SMG6: variants seen among roughly 807,000 people sequenced by gnomAD.
SMG6 encodes the protein SMG6 nonsense mediated mRNA decay factor.
Under a neutral mutation model 142.2 loss-of-function variants are expected in SMG6, and 66 were observed. That is an observed-to-expected ratio of 0.46 (90% CI 0.38 to 0.57). The LOEUF (loss-of-function observed/expected upper bound fraction) is 0.57, where lower values mean the gene tolerates loss of function less well. SMG6 is among the 20% of genes least tolerant of loss of function. The pLI, the probability that SMG6 is intolerant of heterozygous loss-of-function variation, is 0.00. For missense variants in SMG6, 1,793 were observed against 1,832.0 expected (o/e 0.98, Z 0.39); for synonymous variants, 779 against 702.4 (o/e 1.11, Z -1.72).
chr17:2,260,856 T>C (rs1331364735), intron 8 of SMG6, among the ~76,000 whole-genome samples: 1 of 151,336 alleles, frequency 6.6e-6, no homozygotes, highest in Non-Finnish European at 1.5e-5. Flanking sequence ...ATTAGCTGGG[T>C]GTGATGGCGG....
chr17:2,211,804 TTCACTGAC>T (rs1235625216), intron 10 of SMG6, among the ~76,000 whole-genome samples: 1 of 152,192 alleles, frequency 6.6e-6, no homozygotes, highest in Non-Finnish European at 1.5e-5. Context: ...TGCCATATTC[TTCACTGAC>T]TCACTGACCT....
chr17:2,066,029 G>A (rs1332290501), intron 16 of SMG6: 3 of 302,910 alleles, frequency 9.9e-6, no homozygotes, highest in African/African-American at 2.1e-5. Context: ...GGAGAGTCCA[G>A]GGTATGCAGC....
In SMG6 at chr17:2,081,933, G is replaced by A. The variant is rs368412651; in HGVS notation, c.3558C>T (p.Asp1186=). 1.4e-5 allele frequency: 22 copies of A among 1,614,026 alleles called. No individual in the cohort carries two copies. The African/African-American group carries it at 2.9e-4, about 22-fold the overall frequency. ...CTTCAGCCTCTGAATCTTCCTCAAA[G>A]TCTTCAATCACCACATCCTCCTCCT... ...EDEEEDVVIE[D]FEEDSEAEGS... The change falls in exon 15 of 19, where the codon GAC becomes GAT. Residue 1186 remains aspartate, a synonymous_variant. Coordinates refer to ENST00000263073, the MANE Select transcript of SMG6 (RefSeq NM_017575.5).
At chr17:2,191,005 C>G (rs1417134390) in intron 10 of SMG6, among the ~76,000 whole-genome samples, 1 of 152,206 alleles carries the variant, frequency 6.6e-6, no homozygotes, top group African/African-American at 2.4e-5. Flanking sequence ...GCCTGTCCTT[C>G]TCCATGGCTC....
intron 10 of SMG6, among the ~76,000 whole-genome samples, chr17:2,235,531 G>A (rs899300640): frequency 3.3e-5 from 5 of 152,140 alleles, no homozygotes; most frequent in African/African-American, 9.7e-5. Context: ...AAGAGACCCA[G>A]CGCCACTCTG....
chr17:2,142,378 C>T (rs1158439759), intron 13 of SMG6, among the ~76,000 whole-genome samples: 1 of 152,178 alleles, frequency 6.6e-6, no homozygotes, highest in Non-Finnish European at 1.5e-5. Flanking sequence ...GGTGTGGTGA[C>T]TCATGCCTGT....
At chr17:2,220,048 A>G (rs1045264058) in intron 10 of SMG6, among the ~76,000 whole-genome samples, 3 of 152,048 alleles carry the variant, frequency 2.0e-5, no homozygotes, top group Non-Finnish European at 4.4e-5. Flanking sequence ...AATTTTCCCA[A>G]GTAGCTGGGA....
intron 6 of SMG6, among the ~76,000 whole-genome samples, chr17:2,285,169 A>G (rs1272734560): frequency 1.3e-5 from 2 of 152,298 alleles, no homozygotes; most frequent in East Asian, 3.9e-4. Flanking sequence ...TTTTCAGGGA[A>G]GAAAGCAAGT....
intron 10 of SMG6, among the ~76,000 whole-genome samples, chr17:2,205,647 T>C (rs551090393): frequency 3.3e-5 from 5 of 152,324 alleles, no homozygotes; most frequent in East Asian, 1.9e-4. Flanking sequence ...GTTCTCATTA[T>C]TAGAAAGGAA....
chr17:2,267,054 C>T (rs997473872), intron 8 of SMG6, among the ~76,000 whole-genome samples: 2 of 152,204 alleles, frequency 1.3e-5, no homozygotes, highest in African/African-American at 4.8e-5. Flanking sequence ...TGCCAAACTG[C>T]AGTTCACACA....
At chr17:2,249,256 A>G (rs2073995613) in intron 8 of SMG6, among the ~76,000 whole-genome samples, 1 of 151,610 alleles carries the variant, frequency 6.6e-6, no homozygotes, top group African/African-American at 2.4e-5. Flanking sequence ...CCTTCCTAAC[A>G]CATCAGCATG....
Position 2,244,664 on chromosome 17 carries a change from C to T in SMG6, c.2717G>A (p.Arg906Gln), listed in dbSNP as rs537242017. The change falls in exon 9 of 19, where the codon CGG (arginine) becomes CAG (glutamine). Residue 906 changes from arginine to glutamine, a missense_variant. This residue lies in a region of SMG6 where 1,597 missense variants were observed against 1,584.6 expected (regional missense o/e 1.01). Coordinates refer to ENST00000263073, the MANE Select transcript of SMG6 (RefSeq NM_017575.5). ...FLHAHGKLFT[R>Q]IGMETFPAVA... is the part of the protein sequence containing the mutation. ...AAACATCCTGCACACTTACCCAATC[C>T]GGGTAAACAGCTTCCCATGGGCATG... 10 of 1,610,566 alleles carry T rather than the reference C, an allele frequency of 6.2e-6. No homozygotes were observed. The highest frequency in any genetic ancestry group is 2.2e-5 in the South Asian group (2 of 91,006).
At chr17:2,261,083 G>C (rs1051952273) in intron 8 of SMG6, among the ~76,000 whole-genome samples, 1 of 151,844 alleles carries the variant, frequency 6.6e-6, no homozygotes, top group African/African-American at 2.4e-5. Flanking sequence ...CAGGAGGGCA[G>C]ATCACGAGGT....
intron 10 of SMG6, among the ~76,000 whole-genome samples, chr17:2,203,535 G>A (rs549014389): frequency 3.3e-5 from 5 of 152,202 alleles, no homozygotes; most frequent in Non-Finnish European, 5.9e-5. Flanking sequence ...AGCATGGCAG[G>A]TCTTTAATTA....
At chr17:2,113,928 C>T (rs1027469559) in intron 13 of SMG6, among the ~76,000 whole-genome samples, 1 of 152,208 alleles carries the variant, frequency 6.6e-6, no homozygotes, top group Non-Finnish European at 1.5e-5. Flanking sequence ...TGAACAATGA[C>T]CTTCCAAGTA....
chr17:2,166,099 C>T (rs2071330414), intron 13 of SMG6, among the ~76,000 whole-genome samples: 1 of 152,098 alleles, frequency 6.6e-6, no homozygotes, highest in Non-Finnish European at 1.5e-5. Context: ...GAAATCACAG[C>T]TACTCGGGAG....
intron 8 of SMG6, among the ~76,000 whole-genome samples, chr17:2,250,687 T>C (rs904209768): frequency 6.6e-6 from 1 of 152,118 alleles, no homozygotes; most frequent in African/African-American, 2.4e-5. Flanking sequence ...CCTGGCCCCA[T>C]ATATTTTTAA....
Position 2,191,542 on chromosome 17 carries a change from A to G in SMG6, c.2870-3027T>C, listed in dbSNP as rs534702599. 2.1e-3 allele frequency among the ~76,000 whole-genome samples: 314 copies of G among 152,282 alleles called. 2 individuals are homozygous for G. Among genetic ancestry groups the G allele is most frequent in the African/African-American group, 5.4e-3 (223 of 41,544 alleles). ...GACAGGAGCTGAGGAACTCATTAAC[A>G]CTGTGAAACAGCCTTTCCCCTTCTT... On this transcript the variant is annotated intron_variant, in intron 10 of 18. Coordinates refer to ENST00000263073, the MANE Select transcript of SMG6 (RefSeq NM_017575.5).
At chr17:2,089,979 T>G (rs770047947) in intron 13 of SMG6, among the ~76,000 whole-genome samples, 7 of 149,714 alleles carry the variant, frequency 4.7e-5, no homozygotes, top group Non-Finnish European at 1.0e-4. Context: ...AGGTCAGGAG[T>G]TCAAGACCAG....
Sources: gnomAD v4.1 joint callset for allele counts (sites outside exome capture counted in the v4.1 genomes callset) on GRCh38, gnomAD v4.1.1 for gene constraint, gnomAD v4.1.1 regional missense constraint, MANE v1.5 for transcripts, NCBI Gene and HGNC (gene_info 2026-07-23, HGNC 2026-07-21) for gene names.